Variants in LYPD6 observed in about 807,000 individuals in gnomAD.
LYPD6 encodes the protein LY6/PLAUR domain containing 6.
A neutral mutation model predicts 22.7 loss-of-function variants in LYPD6; 15 were observed. That is an observed-to-expected ratio of 0.66 (90% CI 0.44 to 1.02). LYPD6 has a LOEUF of 1.02. Among genes scored for constraint, LYPD6 ranks in the 50% least tolerant of loss-of-function variants. The probability of loss-of-function intolerance (pLI) is 0.00; values close to 1 mark genes in which losing one functional copy is unlikely to be tolerated. For synonymous variants in LYPD6, 72 were observed against 77.5 expected (o/e 0.93, Z 0.37); for missense variants, 189 against 208.4 (o/e 0.91, Z 0.57).
At chr2:149,341,044 T>G (rs1180644055) in intron 1 of LYPD6, among the ~76,000 whole-genome samples, 1 of 152,214 alleles carries the variant, frequency 6.6e-6, no homozygotes, top group Non-Finnish European at 1.5e-5. Context: ...AGTAATATCC[T>G]GCGTTTATAT....
chr2:149,463,715 A>G (rs1271237718), intron 3 of LYPD6, among the ~76,000 whole-genome samples: 1 of 152,230 alleles, frequency 6.6e-6, no homozygotes, highest in African/African-American at 2.4e-5. Flanking sequence ...AAAGTTAACA[A>G]ACTCTTAAAA....
intron 1 of LYPD6, among the ~76,000 whole-genome samples, chr2:149,348,061 CAAAAAA>C (rs58228847): frequency 1.2e-4 from 9 of 76,696 alleles, no homozygotes; most frequent in South Asian, 1.3e-3. Flanking sequence ...ACTAAAAATA[CAAAAAA>C]AAAAAAAAAA....
intron 1 of LYPD6, among the ~76,000 whole-genome samples, chr2:149,379,024 A>C (rs1008299238): frequency 7.2e-5 from 11 of 152,208 alleles, no homozygotes; most frequent in Admixed American, 1.3e-4. Flanking sequence ...TGATCATCTC[A>C]GGCTATTTGA....
intron 1 of LYPD6, among the ~76,000 whole-genome samples, chr2:149,395,972 C>G (rs1682420240): frequency 6.6e-6 from 1 of 152,104 alleles, no homozygotes; most frequent in African/African-American, 2.4e-5. Context: ...TGATCATTGA[C>G]AATATTCATT....
intron 1 of LYPD6, among the ~76,000 whole-genome samples, chr2:149,426,685 A>G (rs1683194727): frequency 6.6e-6 from 1 of 152,210 alleles, no homozygotes; most frequent in South Asian, 2.1e-4. Flanking sequence ...GGCTTCTCTC[A>G]ACACAAAGCA....
At chr2:149,416,521 C>G (rs1487577914) in intron 1 of LYPD6, among the ~76,000 whole-genome samples, 1 of 152,188 alleles carries the variant, frequency 6.6e-6, no homozygotes, top group Admixed American at 6.5e-5. Flanking sequence ...TCCCTGGACA[C>G]AAAGAATCCA....
At chr2:149,480,454 A>G in the LYPD6 span, among the ~76,000 whole-genome samples, 1 of 151,828 alleles carries the variant, frequency 6.6e-6, no homozygotes, top group South Asian at 2.1e-4. Flanking sequence ...GCTCATTATC[A>G]CTTCCTCAAG....
At chr2:149,352,231 T>A (rs1681371807) in intron 1 of LYPD6, among the ~76,000 whole-genome samples, 1 of 152,140 alleles carries the variant, frequency 6.6e-6, no homozygotes, top group Non-Finnish European at 1.5e-5. Flanking sequence ...TATCCGATAG[T>A]TGTCTTCAAA....
chr2:149,400,474 G>A (rs979600265), intron 1 of LYPD6, among the ~76,000 whole-genome samples: 4 of 152,114 alleles, frequency 2.6e-5, no homozygotes, highest in Non-Finnish European at 4.4e-5. Context: ...GTGTCTTTCC[G>A]GAGCATGAGA....
chr2:149,484,642 G>A, the LYPD6 span, among the ~76,000 whole-genome samples: 1 of 152,138 alleles, frequency 6.6e-6, no homozygotes, highest in African/African-American at 2.4e-5. Flanking sequence ...TGTTTGGGCT[G>A]TTCTTTGAGC....
intron 3 of LYPD6, among the ~76,000 whole-genome samples, chr2:149,468,388 A>G (rs529931883): frequency 6.6e-6 from 1 of 152,306 alleles, no homozygotes; most frequent in South Asian, 2.1e-4. Context: ...TTGAAAGGCA[A>G]GGAGAAACCA....
intron 2 of LYPD6, among the ~76,000 whole-genome samples, chr2:149,444,115 G>A (rs1306373811): frequency 1.3e-5 from 2 of 151,908 alleles, no homozygotes; most frequent in Non-Finnish European, 2.9e-5. Context: ...TGTATTTTTA[G>A]TAGAGACAGG....
chr2:149,368,129 G>A (rs1164614765), intron 1 of LYPD6: 2 of 152,190 alleles, frequency 1.3e-5, no homozygotes, highest in Non-Finnish European at 2.9e-5. Flanking sequence ...TGAGCACAGA[G>A]GCTGTAAACC....
intron 1 of LYPD6, among the ~76,000 whole-genome samples, chr2:149,411,094 G>A (rs1352667172): frequency 1.3e-5 from 2 of 152,150 alleles, no homozygotes; most frequent in Non-Finnish European, 2.9e-5. Context: ...AGCAACATCA[G>A]CATCATCTAG....
chr2:149,415,717 G>A (rs1047828149), intron 1 of LYPD6, among the ~76,000 whole-genome samples: 1 of 151,960 alleles, frequency 6.6e-6, no homozygotes, highest in Non-Finnish European at 1.5e-5. Flanking sequence ...CCCAGGCTGG[G>A]GTGCAGTGGC....
At position 149,468,625 on chromosome 2, in the gene LYPD6, T is replaced by C. The variant is rs750919013; in HGVS notation, c.218-20T>C. On this transcript the variant is annotated intron_variant, in intron 3 of 4. Transcript: ENST00000334166. ...TTTGGTCAACATTTCCCATCTCAAA[T>C]ATATTTTCTCTGTTGACAGAGACCA... The C allele has an allele frequency of 3.1e-6, 5 of 1,608,686 alleles. No homozygotes were observed. In the Admixed American group the frequency reaches 8.4e-5, roughly 27 times the overall value.
At chr2:149,394,411 C>T (rs747761855) in intron 1 of LYPD6, among the ~76,000 whole-genome samples, 5 of 152,246 alleles carry the variant, frequency 3.3e-5, no homozygotes, top group Non-Finnish European at 5.9e-5. Flanking sequence ...TACTCTCCAC[C>T]GTATTTAACA....
intron 1 of LYPD6, among the ~76,000 whole-genome samples, chr2:149,375,860 G>T (rs1386082668): frequency 6.6e-6 from 1 of 152,190 alleles, no homozygotes; most frequent in Non-Finnish European, 1.5e-5. Flanking sequence ...AGTTAGACAG[G>T]ATGTGACTAA....
chr2:149,427,423 G>A (rs927637191), intron 1 of LYPD6, among the ~76,000 whole-genome samples: 13 of 152,130 alleles, frequency 8.5e-5, no homozygotes, highest in African/African-American at 2.9e-4. Context: ...ATGACAAGCT[G>A]TAACTGAAAT....
Sources: gnomAD v4.1 joint callset for allele counts (sites outside exome capture counted in the v4.1 genomes callset) on GRCh38, gnomAD v4.1.1 for gene constraint, MANE v1.5 for transcripts, NCBI Gene and HGNC (gene_info 2026-07-23, HGNC 2026-07-21) for gene names.